Variants in DOCK9 observed in about 807,000 individuals in gnomAD.
DOCK9 encodes dedicator of cytokinesis 9.
A neutral mutation model predicts 263.3 loss-of-function variants in DOCK9; 89 were observed. The ratio of observed to expected loss-of-function variants is 0.34; its 90% confidence interval spans 0.28 to 0.40. The LOEUF (loss-of-function observed/expected upper bound fraction) is 0.40, where lower values mean the gene tolerates loss of function less well. DOCK9 is among the 10% of genes least tolerant of loss of function. The pLI, the probability that DOCK9 is intolerant of heterozygous loss-of-function variation, is 1.00. For missense variants in DOCK9, 2,140 were observed against 2,603.4 expected (o/e 0.82, Z 3.87); for synonymous variants, 976 against 973.1 (o/e 1.00, Z -0.06).
intron 20 of DOCK9, 52 bp downstream of exon 20, chr13:98,885,656 G>T: frequency 6.5e-7 from 1 of 1,535,026 alleles, no homozygotes; most frequent in Non-Finnish European, 8.7e-7. Context: ...TACAATTTAA[G>T]AACCTAATGT....
intron 7 of DOCK9, among the ~76,000 whole-genome samples, chr13:98,916,719 A>T (rs1270757908): frequency 6.6e-6 from 1 of 152,132 alleles, no homozygotes; most frequent in Non-Finnish European, 1.5e-5. Flanking sequence ...AACAAAATGA[A>T]TTTTCTCTCC....
At chr13:98,978,485 G>A (rs117165506), upstream of DOCK9, among the ~76,000 whole-genome samples, 3,057 of 152,268 alleles carry the variant, frequency 0.02, 50 homozygotes, top group Non-Finnish European at 0.032. Context: ...CCTGCACCTC[G>A]TGGATACAGG....
chr13:98,872,484 G>A (rs1454109576), intron 27 of DOCK9, among the ~76,000 whole-genome samples: 1 of 151,894 alleles, frequency 6.6e-6, no homozygotes, highest in African/African-American at 2.4e-5. Flanking sequence ...ACAGCTCACT[G>A]TAGCCTCATC....
chr13:98,986,554 A>C (rs988161037), intron 1 of DOCK9, among the ~76,000 whole-genome samples: 1 of 152,216 alleles, frequency 6.6e-6, no homozygotes, highest in Non-Finnish European at 1.5e-5. Flanking sequence ...CCCAACAATC[A>C]TCTGGAAGTC....
rs551568221 is a variant in DOCK9, at chr13:98,852,670, G to A, written c.3946+738C>T. Reference sequence around the variant, plus strand: ...TTCACAGCACACCTTTTAATTCGTTGTAGGAAAAATAAGATTTTTGCCCAG... The same window carrying A: ...TTCACAGCACACCTTTTAATTCGTTATAGGAAAAATAAGATTTTTGCCCAG... On this transcript the variant is annotated intron_variant, in intron 35 of 52. Coordinates refer to ENST00000682017, the MANE Select transcript of DOCK9 (RefSeq NM_001366683.2). Among the ~76,000 whole-genome samples, 15 of 152,216 alleles carry A rather than the reference G, an allele frequency of 9.9e-5. No individual in the cohort carries two copies. The South Asian group carries it at 2.9e-3, about 29-fold the overall frequency.
intron 1 of DOCK9, among the ~76,000 whole-genome samples, chr13:99,024,917 A>G (rs9517553): frequency 0.52 from 79,127 of 151,738 alleles, 20,882 homozygotes; most frequent in South Asian, 0.68. Context: ...AATGGAACTA[A>G]ACATTCCATA....
chr13:98,949,108 T>A (rs2057081401), intron 2 of DOCK9, among the ~76,000 whole-genome samples: 3 of 152,136 alleles, frequency 2.0e-5, no homozygotes, highest in Non-Finnish European at 4.4e-5. Context: ...GGTTTCCCTC[T>A]GTCACCCAGG....
At chr13:99,048,251 A>C (rs2040528626) in intron 1 of DOCK9, among the ~76,000 whole-genome samples, 1 of 152,164 alleles carries the variant, frequency 6.6e-6, no homozygotes, top group African/African-American at 2.4e-5. Flanking sequence ...GATTTTCACC[A>C]AGTTTCCAGT....
At chr13:98,821,013 C>CT (rs1176321689) in intron 45 of DOCK9, among the ~76,000 whole-genome samples, 1 of 152,216 alleles carries the variant, frequency 6.6e-6, no homozygotes, top group Non-Finnish European at 1.5e-5. Context: ...TTTTGATGCT[C>CT]TGTACATATC....
At chr13:98,983,021 A>G (rs1020389301), upstream of DOCK9, among the ~76,000 whole-genome samples, 1 of 152,250 alleles carries the variant, frequency 6.6e-6, no homozygotes, top group Non-Finnish European at 1.5e-5. Flanking sequence ...AGGAATAACA[A>G]TACGAGGAAT....
intron 1 of DOCK9, among the ~76,000 whole-genome samples, chr13:99,073,343 CCTCT>C (rs1277582271): frequency 7.3e-6 from 1 of 137,386 alleles, no homozygotes; most frequent in Non-Finnish European, 1.6e-5. Flanking sequence ...TTCTTTCTCT[CCTCT>C]CTTCTTCTTC....
intron 1 of DOCK9, among the ~76,000 whole-genome samples, chr13:99,042,889 T>G (rs1390127557): frequency 1.3e-5 from 2 of 152,088 alleles, no homozygotes; most frequent in Non-Finnish European, 2.9e-5. Context: ...GCAGATCTTT[T>G]GCCATGTAGC....
intron 30 of DOCK9, among the ~76,000 whole-genome samples, chr13:98,863,955 A>C (rs781268373): frequency 1.4e-4 from 22 of 152,262 alleles, no homozygotes; most frequent in Non-Finnish European, 3.2e-4. Flanking sequence ...CAGTTTGTGC[A>C]TAACAAACAT....
rs186068025 is a variant in DOCK9 at position 98,908,958 on chromosome 13, T to C, written c.961-4252A>G. Among the ~76,000 whole-genome samples the C allele has an allele frequency of 2.7e-3, 415 of 152,328 alleles. 3 individuals carry two copies. The highest frequency in any genetic ancestry group is 9.7e-3 in the African/African-American group (402 of 41,572). On this transcript the variant is annotated intron_variant, in intron 9 of 52. Transcript: ENST00000682017. ...ACAAATATCATCCCAAAGTCTGTAG[T>C]TGAGCACTTCTCAGAGTGATGGAAA...
intron 1 of DOCK9, among the ~76,000 whole-genome samples, chr13:99,013,440 A>G (rs927707): frequency 0.11 from 17,146 of 152,226 alleles, 1,398 homozygotes; most frequent in East Asian, 0.24. Context: ...TTGTTGTACT[A>G]TAAGTGTACT....
intron 39 of DOCK9, among the ~76,000 whole-genome samples, chr13:98,832,400 T>C (rs1394361804): frequency 6.6e-6 from 1 of 152,178 alleles, no homozygotes; most frequent in Non-Finnish European, 1.5e-5. Context: ...GAACAGCGAC[T>C]GTGAAGACAT....
chr13:98,904,724 GAAA>G lies in DOCK9; in HGVS notation c.961-21_961-19del, dbSNP rs1228971146. ...CTTGCACTCTGATAACAAGATACAT[GAAA>G]ATTACATTTAACACAATCCTTTTCT... On this transcript the variant is annotated intron_variant, in intron 9 of 52. Coordinates refer to ENST00000682017, the MANE Select transcript of DOCK9 (RefSeq NM_001366683.2). 1 of 1,542,648 alleles carries G rather than the reference GAAA, an allele frequency of 6.5e-7. No individual in the cohort carries two copies. Among genetic ancestry groups the G allele is most frequent in the Admixed American group, 2.0e-5 (1 of 50,182 alleles).
intron 1 of DOCK9, among the ~76,000 whole-genome samples, chr13:99,045,068 T>C (rs1316930737): frequency 6.6e-6 from 1 of 152,186 alleles, no homozygotes; most frequent in Non-Finnish European, 1.5e-5. Flanking sequence ...GGACTGTAAA[T>C]TAGTGAAGCC....
intron 1 of DOCK9, among the ~76,000 whole-genome samples, chr13:99,058,100 A>G (rs1278592606): frequency 6.6e-6 from 1 of 151,916 alleles, no homozygotes; most frequent in Admixed American, 6.6e-5. Context: ...AAATGTCCCA[A>G]CTTCAAAAAC....
Sources: gnomAD v4.1 joint callset for allele counts (sites outside exome capture counted in the v4.1 genomes callset) on GRCh38, gnomAD v4.1.1 for gene constraint, MANE v1.5 for transcripts, NCBI Gene and HGNC (gene_info 2026-07-23, HGNC 2026-07-21) for gene names.